Variants in ERC2 observed in about 807,000 individuals in gnomAD.
ERC2 encodes the protein ERC protein 2.
Under a neutral mutation model 114.8 loss-of-function variants are expected in ERC2, and 42 were observed. That is an observed-to-expected ratio of 0.37 (90% CI 0.29 to 0.47). ERC2 has a LOEUF of 0.47. Among genes scored for constraint, ERC2 ranks in the 20% least tolerant of loss-of-function variants. The pLI is 0.99. For synonymous variants in ERC2, 454 were observed against 425.5 expected, an observed-to-expected ratio of 1.07 and a Z score of -0.82; for missense variants, 939 against 1,150.7, an observed-to-expected ratio of 0.82 and a Z score of 2.66.
At chr3:56,194,557 CAGTG>C (rs747558151) in intron 3 of ERC2, among the ~76,000 whole-genome samples, 3 of 152,174 alleles carry the variant, frequency 2.0e-5, no homozygotes, top group Non-Finnish European at 2.9e-5. Flanking sequence ...TGCTCTGGAT[CAGTG>C]AGTGAGTGAG....
At chr3:56,355,285 C>CTT (rs11427045) in intron 2 of ERC2, among the ~76,000 whole-genome samples, 11 of 149,512 alleles carry the variant, frequency 7.4e-5, no homozygotes, top group South Asian at 2.1e-4. Context: ...ATTATTTCAC[C>CTT]TTTTTTTTTC....
In ERC2 at chr3:55,836,336, C is replaced by G. The variant is rs541583243; in HGVS notation, c.2564+52053G>C. On this transcript the variant is annotated intron_variant, in intron 14 of 17. Transcript: ENST00000288221. ...AAAGAACAAAGCTGGAGGCATCACA[C>G]TACCTGACTTCAAACTATACTACAA... 4.6e-3 allele frequency among the ~76,000 whole-genome samples: 708 copies of G among 152,258 alleles called. 2 individuals carry two copies. The highest frequency in any genetic ancestry group is 6.0e-3 in the Non-Finnish European group (407 of 67,984).
At chr3:56,348,153 T>C (rs1375325859) in intron 2 of ERC2, among the ~76,000 whole-genome samples, 1 of 152,146 alleles carries the variant, frequency 6.6e-6, no homozygotes, top group Non-Finnish European at 1.5e-5. Flanking sequence ...CTCCTTCCCT[T>C]CTGTCTTGCT....
chr3:56,401,323 T>C (rs767128064), intron 2 of ERC2, among the ~76,000 whole-genome samples: 2 of 152,116 alleles, frequency 1.3e-5, no homozygotes. Flanking sequence ...AGTAAAAGAG[T>C]GGTTGACTTA....
intron 3 of ERC2, among the ~76,000 whole-genome samples, chr3:56,276,477 A>AC (rs1410308428): frequency 3.3e-5 from 5 of 151,316 alleles, no homozygotes; most frequent in Non-Finnish European, 5.9e-5. Context: ...AAAAAAAAAA[A>AC]CAAACTCAGT....
At chr3:56,179,021 A>C (rs1257639724) in intron 3 of ERC2, among the ~76,000 whole-genome samples, 3 of 151,998 alleles carry the variant, frequency 2.0e-5, no homozygotes, top group South Asian at 4.2e-4. Context: ...CTTGGGCCAC[A>C]CATAAAATAC....
chr3:55,591,859 G>A (rs770009023), intron 17 of ERC2, among the ~76,000 whole-genome samples: 43 of 152,170 alleles, frequency 2.8e-4, no homozygotes, highest in Non-Finnish European at 4.9e-4. Flanking sequence ...AGGTAACCCC[G>A]TTGGGGAAGG....
At chr3:55,657,860 A>C (rs928853394) in intron 17 of ERC2, 1 of 152,208 alleles carries the variant, frequency 6.6e-6, no homozygotes, top group African/African-American at 2.4e-5. Context: ...GAAATGAAAT[A>C]ATGTGTGTAA....
At chr3:56,212,516 T>C (rs2049130746) in intron 3 of ERC2, among the ~76,000 whole-genome samples, 1 of 152,116 alleles carries the variant, frequency 6.6e-6, no homozygotes, top group Non-Finnish European at 1.5e-5. Context: ...GGAATGTAAA[T>C]TAATACAACC....
At chr3:55,806,904 AC>A (rs1053916325) in intron 14 of ERC2, among the ~76,000 whole-genome samples, 1 of 152,010 alleles carries the variant, frequency 6.6e-6, no homozygotes, top group Non-Finnish European at 1.5e-5. Context: ...CACAATGATC[AC>A]TCCTTCATTC....
chr3:56,138,939 A>G (rs1368159353), intron 6 of ERC2, among the ~76,000 whole-genome samples: 1 of 152,170 alleles, frequency 6.6e-6, no homozygotes, highest in Non-Finnish European at 1.5e-5. Flanking sequence ...AAACTCACAC[A>G]ATATCAACTT....
intron 3 of ERC2, among the ~76,000 whole-genome samples, chr3:56,181,751 A>T (rs1389317116): frequency 6.6e-6 from 1 of 152,216 alleles, no homozygotes; most frequent in East Asian, 1.9e-4. Context: ...AAAAGAAATT[A>T]TGGCTTCTTT....
intron 14 of ERC2, among the ~76,000 whole-genome samples, chr3:55,822,453 T>C (rs137940177): frequency 3.9e-5 from 6 of 152,320 alleles, no homozygotes; most frequent in East Asian, 1.9e-4. Context: ...GCAATGAAAG[T>C]AGGGACTCGG....
chr3:56,213,948 C>T (rs550867188), intron 3 of ERC2, among the ~76,000 whole-genome samples: 1 of 152,296 alleles, frequency 6.6e-6, no homozygotes, highest in East Asian at 1.9e-4. Flanking sequence ...AAGGTCCTGA[C>T]TGCTAGAAGG....
At position 55,698,971 on chromosome 3, in the gene ERC2, T is replaced by C. The variant is rs182755900; in HGVS notation, c.2847+407A>G. Among the ~76,000 whole-genome samples the C allele has an allele frequency of 9.8e-5, 15 of 152,294 alleles. No individual in the cohort carries two copies. The East Asian group carries it at 2.9e-3, about 29-fold the overall frequency. The stretch of plus-strand genomic sequence containing the variant: ...TTGTTGTTTTACCTCACCATTAATT[T>C]GCATCACTAAAGAATTTTCTAGGAA... On this transcript the variant is annotated intron_variant, in intron 16 of 17. Transcript: ENST00000288221.
At chr3:56,387,154 T>G (rs2059961766) in intron 2 of ERC2, among the ~76,000 whole-genome samples, 1 of 152,234 alleles carries the variant, frequency 6.6e-6, no homozygotes, top group Non-Finnish European at 1.5e-5. Flanking sequence ...AAATTTTGGC[T>G]ATATAATAAA....
chr3:55,575,055 C>T (rs1413905029), intron 17 of ERC2, among the ~76,000 whole-genome samples: 1 of 152,124 alleles, frequency 6.6e-6, no homozygotes, highest in Non-Finnish European at 1.5e-5. Flanking sequence ...GCCCTGTTGC[C>T]CAGACTGGAG....
chr3:56,420,292 C>T (rs2107219811), intron 2 of ERC2, among the ~76,000 whole-genome samples: 1 of 148,624 alleles, frequency 6.7e-6, no homozygotes, highest in African/African-American at 2.5e-5. Context: ...TCAAGTGATC[C>T]TCCCACCTCA....
intron 13 of ERC2, among the ~76,000 whole-genome samples, chr3:55,896,934 A>G (rs968473049): frequency 6.6e-6 from 1 of 152,238 alleles, no homozygotes; most frequent in Non-Finnish European, 1.5e-5. Context: ...AATAGTTGTT[A>G]CCAGGAAATA....
Sources: gnomAD v4.1 joint callset for allele counts (sites outside exome capture counted in the v4.1 genomes callset) on GRCh38, gnomAD v4.1.1 for gene constraint, MANE v1.5 for transcripts, NCBI Gene and HGNC (gene_info 2026-07-23, HGNC 2026-07-21) for gene names.